Variants in MRPS18A observed in about 807,000 individuals in gnomAD.
MRPS18A encodes the protein mitochondrial ribosomal protein S18A, also known as large ribosomal subunit protein mL66.
In MRPS18A, 20 loss-of-function variants were observed where a neutral mutation model predicts 22.7. The ratio of observed to expected loss-of-function variants is 0.88; its 90% CI spans 0.62 to 1.28. MRPS18A has a LOEUF of 1.28. Among genes scored for constraint, MRPS18A ranks in the 50% most tolerant of loss-of-function variants. The pLI is 0.00. For synonymous variants in MRPS18A, 106 were observed against 99.1 expected (o/e 1.07, Z -0.41); for missense variants, 294 against 262.6 (o/e 1.12, Z -0.83).
Position 43,675,230 on chromosome 6 carries a change from C to G in MRPS18A, c.418G>C (p.Val140Leu). The part of the protein sequence containing the change: ...NHRPRLPEGV[V>L]PKSKPQLNRY... ...TTGAGTTGGGGTTTGCTCTTCGGAA[C>G]AACTCCTTCAGGAAGCCGAGGCCTG... is the stretch of plus-strand genomic sequence containing the variant. Residue 140 changes from valine (V) to leucine (L), a missense_variant, in exon 5 of 6, where the codon GTT becomes CTT. Transcript: ENST00000372133. The G allele has an allele frequency of 1.3e-6, 2 of 1,523,380 alleles. No individual in the cohort carries two copies. The highest frequency in any genetic ancestry group is 1.8e-6 in the Non-Finnish European group (2 of 1,136,806). The allele number at this position is 1,523,380 out of a possible 1,614,324, so 94.4% of individuals were successfully genotyped here.
chr6:43,675,626 A>G lies in MRPS18A; in HGVS notation c.253-9T>C. Reference sequence around the variant, plus strand: ...CTAAGCAGCAGAACATCCTAGTGGAAACCGAAAATAGGGGATGAGGGTCAG... The same window carrying G: ...CTAAGCAGCAGAACATCCTAGTGGAGACCGAAAATAGGGGATGAGGGTCAG... On this transcript the variant is annotated splice_polypyrimidine_tract_variant and intron_variant, in intron 3 of 5. Transcript: ENST00000372133. 1 of 1,599,354 alleles carries G rather than the reference A, an allele frequency of 6.3e-7. No individual in the cohort carries two copies. The highest frequency in any genetic ancestry group is 8.5e-7 in the Non-Finnish European group (1 of 1,172,560).
At chr6:43,676,671 G>A (rs768627409) in intron 3 of MRPS18A, among the ~76,000 whole-genome samples, 1 of 152,186 alleles carries the variant, frequency 6.6e-6, no homozygotes, top group African/African-American at 2.4e-5. Flanking sequence ...GCAAGACCCC[G>A]CTGTCATAGA....
chr6:43,673,830 T>G lies in MRPS18A; in HGVS notation c.446+1372A>C, dbSNP rs969296506. 1.3e-5 allele frequency among the ~76,000 whole-genome samples: 2 copies of G among 152,202 alleles called. No homozygotes were observed. Among genetic ancestry groups the G allele is most frequent in the Non-Finnish European group, 2.9e-5 (2 of 68,026 alleles). On this transcript the variant is annotated intron_variant, in intron 5 of 5. Coordinates refer to ENST00000372133, the MANE Select transcript of MRPS18A (RefSeq NM_018135.4). This position sits in a 1 kb window ranked among gnomAD's most constrained non-coding sequence, Gnocchi z 4.2. The stretch of plus-strand genomic sequence containing the variant: ...CCTGAACTCCCCCTCCCGCTCAGCG[T>G]GGCCTTTTGCAACCGACTAGCCCCC...
At position 43,675,252 on chromosome 6, in the gene MRPS18A, C is replaced by A. The variant is rs200075534; in HGVS notation, c.396G>T (p.Arg132Ser). ...AHRAGLLPNH[R>S]PRLPEGVVPK... ...GAACAACTCCTTCAGGAAGCCGAGGCCTGTGATTTGGTAATAGACCTGAGT... is the reference window on the plus strand; with the variant it reads ...GAACAACTCCTTCAGGAAGCCGAGGACTGTGATTTGGTAATAGACCTGAGT... Residue 132 changes from arginine to serine, a missense_variant, in exon 5 of 6, where the codon AGG (arginine) becomes AGT (serine). Transcript: ENST00000372133. The A allele has an allele frequency of 2.6e-6, 4 of 1,526,436 alleles. No individual in the cohort carries two copies. The Admixed American group carries it at 6.5e-5, about 25-fold the overall frequency. The allele number at this position is 1,526,436 out of a possible 1,614,324, so 94.6% of individuals were successfully genotyped here.
chr6:43,673,755 T>C lies in MRPS18A; in HGVS notation c.446+1447A>G, dbSNP rs112963876. The stretch of plus-strand genomic sequence containing the variant: ...CCCCAGCGGAGCCTGGGCCCATGCA[T>C]GGCAGCATTAAACGAGACTCCCCTG... On this transcript the variant is annotated intron_variant, in intron 5 of 5. Coordinates refer to ENST00000372133, the MANE Select transcript of MRPS18A (RefSeq NM_018135.4). The surrounding 1 kb of genome is among the most constrained non-coding windows in gnomAD (Gnocchi z 4.2). Among the ~76,000 whole-genome samples the C allele has an allele frequency of 6.1e-4, 93 of 152,342 alleles. 1 individual carries two copies. The highest frequency in any genetic ancestry group is 3.4e-3 in the Middle Eastern group (1 of 294).
chr6:43,671,634 T>C lies in MRPS18A; in HGVS notation c.*128A>G. 1.8e-6 allele frequency: 2 copies of C among 1,083,186 alleles called. No individual in the cohort carries two copies. The highest frequency in any genetic ancestry group is 2.7e-6 in the Non-Finnish European group (2 of 730,004). The allele number at this position is 1,083,186 out of a possible 1,614,324, so 67.1% of individuals were successfully genotyped here. ...AGTTAGTCCCACTGTCCCCTGTCCATGCATGTTGGAGGGACCAGGCCATCG... is the reference window on the plus strand; with the variant it reads ...AGTTAGTCCCACTGTCCCCTGTCCACGCATGTTGGAGGGACCAGGCCATCG... On this transcript the variant is annotated 3_prime_UTR_variant, in exon 6 of 6. Transcript: ENST00000372133.
intron 1 of MRPS18A, among the ~76,000 whole-genome samples, chr6:43,685,994 C>T (rs543879485): frequency 1.3e-5 from 2 of 152,192 alleles, no homozygotes; most frequent in African/African-American, 4.8e-5. Flanking sequence ...AAGAGGTGGG[C>T]GTTCTCACTA....
At chr6:43,676,339 C>T (rs1021793405) in intron 3 of MRPS18A, among the ~76,000 whole-genome samples, 1 of 152,092 alleles carries the variant, frequency 6.6e-6, no homozygotes, top group Non-Finnish European at 1.5e-5. Context: ...GTCTATATAC[C>T]ACAAGCCAGA....
chr6:43,680,685 G>A (rs895114820), intron 2 of MRPS18A, among the ~76,000 whole-genome samples: 12 of 152,248 alleles, frequency 7.9e-5, no homozygotes, highest in Non-Finnish European at 1.2e-4. Context: ...TTAAGGAGCA[G>A]TTTAGCCATT....
intron 2 of MRPS18A, among the ~76,000 whole-genome samples, chr6:43,679,931 A>G (rs557698778): frequency 2.0e-5 from 3 of 152,294 alleles, no homozygotes; most frequent in East Asian, 3.9e-4. Context: ...TGGTTCACAT[A>G]TATTAGTTCA....
intron 3 of MRPS18A, 80 bp from the exon 4 acceptor site, chr6:43,675,697 A>G (rs1182673341): frequency 2.2e-5 from 33 of 1,499,372 alleles, no homozygotes; most frequent in Non-Finnish European, 2.5e-5. Flanking sequence ...CATGGTCTAC[A>G]GGGGAGGCTG....
At chr6:43,672,986 CTTTTTTTTTTT>C (rs530348186) in intron 5 of MRPS18A, among the ~76,000 whole-genome samples, 1 of 127,176 alleles carries the variant, frequency 7.9e-6, no homozygotes, top group Non-Finnish European at 1.7e-5. Context: ...ATAGGGACTG[CTTTTTTTTTTT>C]TTTTTTTTGA....
Position 43,687,649 on chromosome 6 carries a change from G to T in MRPS18A, c.112+19C>A, listed in dbSNP as rs1332800751. ...CCGCTCTTCTTAATTTCAGGAGGTT[G>T]CTGGGACGCATGACTCACCTTCCCT... On this transcript the variant is annotated intron_variant, in intron 1 of 5. Coordinates refer to ENST00000372133, the MANE Select transcript of MRPS18A (RefSeq NM_018135.4). 10 of 1,122,644 alleles carry T rather than the reference G, an allele frequency of 8.9e-6. No individual in the cohort carries two copies. The highest frequency in any genetic ancestry group is 1.0e-5 in the Non-Finnish European group (8 of 787,354). The allele number at this position is 1,122,644 out of a possible 1,614,324, so 69.5% of individuals were successfully genotyped here. A position where few individuals can be genotyped will look rare whatever the true frequency, so the allele number is the denominator to read the frequency against.
chr6:43,671,726 C>G lies in MRPS18A; in HGVS notation c.*36G>C, dbSNP rs115924755. Reference sequence around the variant, plus strand: ...TGAGTGGGCCTCCTACTCCCCAGCACAGGTGCAGGAGGAACTCTGGAAGCA... The same window carrying G: ...TGAGTGGGCCTCCTACTCCCCAGCAGAGGTGCAGGAGGAACTCTGGAAGCA... On this transcript the variant is annotated 3_prime_UTR_variant, in exon 6 of 6. Coordinates refer to ENST00000372133, the MANE Select transcript of MRPS18A (RefSeq NM_018135.4). 2.8e-3 allele frequency: 4,526 copies of G among 1,613,402 alleles called. 114 individuals carry two copies. In the African/African-American group the frequency reaches 0.053, roughly 19 times the overall value.
chr6:43,685,587 T>C (rs1256373038), intron 1 of MRPS18A, among the ~76,000 whole-genome samples: 1 of 152,222 alleles, frequency 6.6e-6, no homozygotes, highest in Non-Finnish European at 1.5e-5. Context: ...AAAGTCTTCA[T>C]AGACAGGAAA....
At position 43,673,816 on chromosome 6, in the gene MRPS18A, C is replaced by T. The variant is rs989526593; in HGVS notation, c.446+1386G>A. 6.6e-6 allele frequency among the ~76,000 whole-genome samples: 1 copy of T among 152,218 alleles called. No homozygotes were observed. The stretch of plus-strand genomic sequence containing the variant: ...CATTTCCTTCGTAGCCTGAACTCCC[C>T]CTCCCGCTCAGCGTGGCCTTTTGCA... On this transcript the variant is annotated intron_variant, in intron 5 of 5. Transcript: ENST00000372133. The surrounding 1 kb of genome is among the most constrained non-coding windows in gnomAD (Gnocchi z 4.2).
rs984331021 is a variant in MRPS18A at position 43,671,451 on chromosome 6, G to A, written c.*311C>T. ...CCCAAGCAGTGAGCGCACACCCAAT[G>A]GGTAAGCCCATGAACCCAGTTTATG... On this transcript the variant is annotated 3_prime_UTR_variant, in exon 6 of 6. Transcript: ENST00000372133. 1.3e-5 allele frequency: 6 copies of A among 462,126 alleles called. No individual in the cohort carries two copies. The highest frequency in any genetic ancestry group is 2.0e-5 in the Non-Finnish European group (5 of 254,476). The allele number at this position is 462,126 out of a possible 1,614,324, so 28.6% of individuals were successfully genotyped here. A position where few individuals can be genotyped will look rare whatever the true frequency, so the allele number is the denominator to read the frequency against.
Position 43,671,801 on chromosome 6 carries a change from A to G in MRPS18A, c.552T>C (p.Asn184=). The G allele has an allele frequency of 6.2e-7, 1 of 1,614,188 alleles. No homozygotes were observed. Among genetic ancestry groups the G allele is most frequent in the Non-Finnish European group, 8.5e-7 (1 of 1,180,028 alleles). The change falls in exon 6 of 6, where the codon AAT becomes AAC. Residue 184 remains asparagine (N), a synonymous_variant. Transcript: ENST00000372133. The stretch of plus-strand genomic sequence containing the variant: ...TCCAAGGTGTTCTTGAGTAGCAGAC[A>G]TTGTCCCTCAGAAGGGGTGACCCCA... The part of the protein sequence containing the change: ...MPVGSPLLRD[N]VCYSRTPWKL...
intron 1 of MRPS18A, among the ~76,000 whole-genome samples, chr6:43,684,770 T>C (rs1774598782): frequency 6.6e-6 from 1 of 152,226 alleles, no homozygotes; most frequent in Non-Finnish European, 1.5e-5. Context: ...GTGAAAGAGA[T>C]GAAGCAAATT....
Sources: allele counts gnomAD v4.1 joint callset (sites outside exome capture counted in the v4.1 genomes callset), GRCh38; gene constraint gnomAD v4.1.1; non-coding constraint Gnocchi (gnomAD v3.1); transcripts MANE v1.5; gene names NCBI Gene and HGNC (gene_info 2026-07-23, HGNC 2026-07-21).